RABGAP1L: variants seen among roughly 807,000 people sequenced by gnomAD.
The protein encoded by RABGAP1L is rab GTPase-activating protein 1-like.
A neutral mutation model predicts 137.7 loss-of-function variants in RABGAP1L; 63 were observed. The ratio of observed to expected loss-of-function variants is 0.46; its 90% CI spans 0.37 to 0.56. The LOEUF is 0.56. Ranked by LOEUF, RABGAP1L falls within the 20% of genes least tolerant of loss-of-function variation. The probability of loss-of-function intolerance (pLI) is 0.00; values close to 1 mark genes in which losing one functional copy is unlikely to be tolerated. For missense variants in RABGAP1L, 1,095 were observed against 1,244.0 expected (o/e 0.88, Z 1.80); for synonymous variants, 431 against 433.7 (o/e 0.99, Z 0.08).
intron 13 of RABGAP1L, among the ~76,000 whole-genome samples, chr1:174,575,842 C>T (rs1572377203): frequency 1.3e-5 from 2 of 152,282 alleles, no homozygotes; most frequent in Middle Eastern, 6.8e-3. Flanking sequence ...TCACCGCCTT[C>T]TGGTCCTGCA....
chr1:174,397,349 G>C (rs1191845978), intron 13 of RABGAP1L, among the ~76,000 whole-genome samples: 1 of 152,192 alleles, frequency 6.6e-6, no homozygotes, highest in Non-Finnish European at 1.5e-5. Flanking sequence ...GGCTTCACCA[G>C]TTGTGAGGTT....
intron 19 of RABGAP1L, chr1:174,893,103 C>G (rs1656526663): frequency 5.7e-6 from 2 of 351,296 alleles, no homozygotes; most frequent in Non-Finnish European, 1.2e-5. Context: ...TGATTGGTGA[C>G]AAATTTTTTA....
intron 13 of RABGAP1L, among the ~76,000 whole-genome samples, chr1:174,564,911 A>G (rs1667468654): frequency 6.6e-6 from 1 of 151,818 alleles, no homozygotes; most frequent in African/African-American, 2.4e-5. Context: ...TCCCAAATAC[A>G]ATACAACTCC....
intron 18 of RABGAP1L, among the ~76,000 whole-genome samples, chr1:174,804,873 T>C (rs1278348284): frequency 6.6e-6 from 1 of 152,178 alleles, no homozygotes; most frequent in African/African-American, 2.4e-5. Context: ...TTCTTAAACA[T>C]TAAGTTTAAG....
intron 13 of RABGAP1L, among the ~76,000 whole-genome samples, chr1:174,485,498 G>A (rs934274225): frequency 2.0e-5 from 3 of 152,088 alleles, no homozygotes; most frequent in Non-Finnish European, 4.4e-5. Context: ...TTTTTATTAT[G>A]TTGAGGTATG....
intron 14 of RABGAP1L, among the ~76,000 whole-genome samples, chr1:174,660,447 A>G (rs1198020267): frequency 1.3e-5 from 2 of 152,198 alleles, no homozygotes; most frequent in Non-Finnish European, 2.9e-5. Context: ...AGGAAATCTT[A>G]CTGACTCCAC....
chr1:174,946,486 C>G (rs1392431771), intron 19 of RABGAP1L, among the ~76,000 whole-genome samples: 3 of 152,072 alleles, frequency 2.0e-5, no homozygotes, highest in Admixed American at 1.3e-4. Flanking sequence ...AAACAAAAGC[C>G]TATAGGGTCT....
chr1:174,560,935 G>A (rs974989395), intron 13 of RABGAP1L, among the ~76,000 whole-genome samples: 7 of 152,064 alleles, frequency 4.6e-5, no homozygotes, highest in African/African-American at 1.2e-4. Context: ...AATTATTTAC[G>A]GAAACATACT....
At chr1:174,739,385 T>C (rs1238087548) in intron 17 of RABGAP1L, among the ~76,000 whole-genome samples, 1 of 152,202 alleles carries the variant, frequency 6.6e-6, no homozygotes, top group Non-Finnish European at 1.5e-5. Flanking sequence ...GATTCACTGG[T>C]TAGAAGTTGT....
At chr1:174,958,786 TC>T (rs1668839726) in intron 20 of RABGAP1L, among the ~76,000 whole-genome samples, 1 of 152,202 alleles carries the variant, frequency 6.6e-6, no homozygotes, top group Non-Finnish European at 1.5e-5. Flanking sequence ...GGATTTGGAC[TC>T]CAAATTGAGG....
At chr1:174,335,042 T>G (rs1397774500) in intron 11 of RABGAP1L, among the ~76,000 whole-genome samples, 1 of 152,208 alleles carries the variant, frequency 6.6e-6, no homozygotes, top group Non-Finnish European at 1.5e-5. Flanking sequence ...CACTATTTGA[T>G]ATGTCACCTT....
chr1:174,489,665 CATCCCATTA>C (rs1179316894), intron 13 of RABGAP1L, among the ~76,000 whole-genome samples: 4 of 152,134 alleles, frequency 2.6e-5, no homozygotes, highest in Non-Finnish European at 5.9e-5. Context: ...TTGACCCAGC[CATCCCATTA>C]CTGGGTATAT....
chr1:174,557,882 C>T (rs1666979359), intron 13 of RABGAP1L, among the ~76,000 whole-genome samples: 1 of 152,234 alleles, frequency 6.6e-6, no homozygotes, highest in Non-Finnish European at 1.5e-5. Flanking sequence ...ACATGGACCA[C>T]ATCAACTTGG....
chr1:174,221,263 G>A, intron 3 of RABGAP1L, 99 bp downstream of exon 3: 1 of 967,688 alleles, frequency 1.0e-6, no homozygotes, highest in Admixed American at 2.8e-5. Flanking sequence ...CTCTTCTCAA[G>A]CTTTCAGTTC....
chr1:174,294,322 G>A (rs1269268027), intron 10 of RABGAP1L, among the ~76,000 whole-genome samples: 1 of 152,194 alleles, frequency 6.6e-6, no homozygotes, highest in East Asian at 1.9e-4. Flanking sequence ...ACTAATTCTG[G>A]TGGATAGGTC....
intron 13 of RABGAP1L, among the ~76,000 whole-genome samples, chr1:174,446,752 G>T (rs966247272): frequency 5.9e-5 from 9 of 152,118 alleles, no homozygotes; most frequent in Non-Finnish European, 1.3e-4. Flanking sequence ...TTAACATATG[G>T]CTGCTACATA....
intron 10 of RABGAP1L, among the ~76,000 whole-genome samples, chr1:174,293,959 C>G (rs1186334972): frequency 6.6e-6 from 1 of 152,058 alleles, no homozygotes; most frequent in Non-Finnish European, 1.5e-5. Flanking sequence ...AGCACTCACT[C>G]ATCACCCTTA....
At chr1:174,217,421 A>G (rs1018208769) in intron 1 of RABGAP1L, among the ~76,000 whole-genome samples, 1 of 152,194 alleles carries the variant, frequency 6.6e-6, no homozygotes, top group Non-Finnish European at 1.5e-5. Context: ...GACATTACTT[A>G]GAGTGTGTGA....
intron 18 of RABGAP1L, among the ~76,000 whole-genome samples, chr1:174,756,365 G>A (rs1008754898): frequency 2.6e-5 from 4 of 152,012 alleles, no homozygotes; most frequent in Non-Finnish European, 5.9e-5. Context: ...GGCCAGGCTG[G>A]TCTCGAACTC....
Sources: gnomAD v4.1 joint callset for allele counts (sites outside exome capture counted in the v4.1 genomes callset) on GRCh38, gnomAD v4.1.1 for gene constraint, MANE v1.5 for transcripts, NCBI Gene and HGNC (gene_info 2026-07-23, HGNC 2026-07-21) for gene names.